Variants in GRID2 observed in about 807,000 individuals in gnomAD.
GRID2 encodes the protein glutamate receptor ionotropic, delta-2.
Under a neutral mutation model 114.8 loss-of-function variants are expected in GRID2, and 33 were observed. The ratio of observed to expected loss-of-function variants is 0.29; its 90% CI spans 0.22 to 0.38. The LOEUF is 0.38. Among genes scored for constraint, GRID2 ranks in the 10% least tolerant of loss-of-function variants. GRID2 has a pLI of 1.00. For missense variants in GRID2, 1,184 were observed against 1,257.7 expected, an observed-to-expected ratio of 0.94 and a Z score of 0.89; for synonymous variants, 505 against 449.9, an observed-to-expected ratio of 1.12 and a Z score of -1.55.
intron 2 of GRID2, among the ~76,000 whole-genome samples, chr4:92,730,263 A>C (rs1296719151): frequency 6.6e-6 from 1 of 151,976 alleles, no homozygotes; most frequent in Non-Finnish European, 1.5e-5. Flanking sequence ...ACTACATAGA[A>C]AAGGTAGAAA....
At chr4:93,349,343 G>A (rs1760559815) in intron 8 of GRID2, among the ~76,000 whole-genome samples, 1 of 152,032 alleles carries the variant, frequency 6.6e-6, no homozygotes. Context: ...ATAATCTCAA[G>A]AGGTAACACA....
intron 2 of GRID2, among the ~76,000 whole-genome samples, chr4:92,728,794 A>G (rs1736184586): frequency 6.6e-6 from 1 of 151,986 alleles, no homozygotes; most frequent in Non-Finnish European, 1.5e-5. Flanking sequence ...TAATGTTGAA[A>G]CAGAAATATG....
chr4:93,244,059 C>A, intron 8 of GRID2, among the ~76,000 whole-genome samples: 1 of 151,868 alleles, frequency 6.6e-6, no homozygotes, highest in East Asian at 1.9e-4. Context: ...TTTAAGGAAT[C>A]AATATATGTT....
intron 1 of GRID2, among the ~76,000 whole-genome samples, chr4:93,806,357 T>TC (rs796715450): frequency 6.6e-6 from 1 of 152,324 alleles, no homozygotes; most frequent in African/African-American, 2.4e-5. Flanking sequence ...CTCTGTTGAC[T>TC]CTCCATGTGA....
intron 8 of GRID2, among the ~76,000 whole-genome samples, chr4:93,328,777 C>T (rs938316353): frequency 2.0e-5 from 3 of 151,668 alleles, no homozygotes; most frequent in Non-Finnish European, 2.9e-5. Flanking sequence ...TGGAGCTGCT[C>T]AGGATCAGTA....
Position 92,665,712 on chromosome 4 carries a change from GTTT to G in GRID2, c.244+75434_244+75436del, listed in dbSNP as rs148396155. 4.4e-4 allele frequency among the ~76,000 whole-genome samples: 64 copies of G among 146,614 alleles called. 1 individual carries two copies. The East Asian group carries it at 0.012, about 27-fold the overall frequency. On this transcript the variant is annotated intron_variant, in intron 2 of 15. Coordinates refer to ENST00000282020, the MANE Select transcript of GRID2 (RefSeq NM_001510.4). ...CACATATAGGATTCTTGGTTGACAT[GTTT>G]TTTTTTTCTAGTAGTTATTTAAATA...
intron 1 of GRID2, among the ~76,000 whole-genome samples, chr4:93,798,258 G>A (rs1734848173): frequency 6.6e-6 from 1 of 152,166 alleles, no homozygotes; most frequent in Admixed American, 6.5e-5. Context: ...GGAGCTCAGA[G>A]GGGAGGGGAG....
intron 11 of GRID2, among the ~76,000 whole-genome samples, chr4:93,483,542 A>T (rs1204444125): frequency 2.0e-5 from 3 of 152,010 alleles, no homozygotes; most frequent in Non-Finnish European, 4.4e-5. Context: ...AAACACAAAG[A>T]TGCATATATA....
At chr4:93,631,210 G>C (rs1189741862) in intron 14 of GRID2, among the ~76,000 whole-genome samples, 1 of 148,944 alleles carries the variant, frequency 6.7e-6, no homozygotes, top group Non-Finnish European at 1.5e-5. Flanking sequence ...AACACTTAGG[G>C]ATTCTCTTTT....
intron 8 of GRID2, among the ~76,000 whole-genome samples, chr4:93,354,372 TTA>T (rs1250145616): frequency 6.6e-6 from 1 of 151,962 alleles, no homozygotes; most frequent in Non-Finnish European, 1.5e-5. Flanking sequence ...GAAATAAAGA[TTA>T]TGTCACAGAA....
chr4:92,615,118 C>T (rs1430032510), intron 2 of GRID2, among the ~76,000 whole-genome samples: 1 of 151,562 alleles, frequency 6.6e-6, no homozygotes, highest in African/African-American at 2.4e-5. Context: ...AATGTGCCAA[C>T]AGTTCCAGTG....
chr4:92,686,603 T>C (rs1485632342), intron 2 of GRID2, among the ~76,000 whole-genome samples: 1 of 152,104 alleles, frequency 6.6e-6, no homozygotes, highest in Non-Finnish European at 1.5e-5. Context: ...TAAAAACAAC[T>C]GATCATTCAC....
At chr4:93,647,567 G>A (rs1203532906) in intron 14 of GRID2, among the ~76,000 whole-genome samples, 1 of 152,146 alleles carries the variant, frequency 6.6e-6, no homozygotes, top group Non-Finnish European at 1.5e-5. Context: ...ACCAGAAACA[G>A]ATTAATATAA....
At chr4:93,605,314 T>C (rs1478423080) in intron 13 of GRID2, among the ~76,000 whole-genome samples, 1 of 152,198 alleles carries the variant, frequency 6.6e-6, no homozygotes, top group East Asian at 1.9e-4. Context: ...TGGGTATATA[T>C]TGGACAGCAT....
intron 2 of GRID2, among the ~76,000 whole-genome samples, chr4:92,997,413 C>T (rs748744521): frequency 5.3e-5 from 8 of 152,084 alleles, no homozygotes; most frequent in Non-Finnish European, 1.0e-4. Flanking sequence ...GAGAGGGTTC[C>T]TCATAAGATC....
At chr4:92,882,626 T>C (rs911788334) in intron 2 of GRID2, among the ~76,000 whole-genome samples, 11 of 152,156 alleles carry the variant, frequency 7.2e-5, no homozygotes, top group Non-Finnish European at 1.3e-4. Context: ...CACATTAATA[T>C]ACATGCATAC....
chr4:93,204,393 A>T (rs1213966003), intron 4 of GRID2, among the ~76,000 whole-genome samples: 6 of 152,162 alleles, frequency 3.9e-5, no homozygotes, highest in African/African-American at 1.4e-4. Flanking sequence ...CTCAATTTAG[A>T]ACATGAAGAT....
intron 2 of GRID2, among the ~76,000 whole-genome samples, chr4:92,874,448 A>C (rs1745488736): frequency 6.6e-6 from 1 of 152,204 alleles, no homozygotes; most frequent in African/African-American, 2.4e-5. Context: ...CTTTCAAATA[A>C]ATGTCATACC....
At chr4:93,007,434 C>T (rs1721657396) in intron 2 of GRID2, among the ~76,000 whole-genome samples, 1 of 151,910 alleles carries the variant, frequency 6.6e-6, no homozygotes, top group African/African-American at 2.4e-5. Flanking sequence ...ATCTTCACAG[C>T]AATAGTCAAA....
Sources: gnomAD v4.1 joint callset for allele counts (sites outside exome capture counted in the v4.1 genomes callset) on GRCh38, gnomAD v4.1.1 for gene constraint, MANE v1.5 for transcripts, NCBI Gene and HGNC (gene_info 2026-07-23, HGNC 2026-07-21) for gene names.